Variants in NEBL observed in about 807,000 individuals in gnomAD.
NEBL encodes nebulette, also known as LIM and SH3 protein 2.
NEBL carries 122 observed loss-of-function variants against 140.2 expected under a neutral mutation model. That is an observed-to-expected ratio of 0.87 (90% CI 0.75 to 1.01). The LOEUF (loss-of-function observed/expected upper bound fraction) is 1.01. NEBL is among the 50% of genes least tolerant of loss of function. The pLI, the probability that NEBL is intolerant of heterozygous loss-of-function variation, is 0.00. For missense variants in NEBL, 1,365 were observed against 1,231.3 expected (o/e 1.11, Z -1.62); for synonymous variants, 436 against 398.9 (o/e 1.09, Z -1.11).
chr10:20,801,100 C>T (rs573907633), intron 26 of NEBL, among the ~76,000 whole-genome samples: 1 of 152,302 alleles, frequency 6.6e-6, no homozygotes, highest in East Asian at 1.9e-4. Context: ...TACCAAGTTG[C>T]CAACGTGCTA....
chr10:20,868,452 A>G, intron 7 of NEBL: 1 of 544,982 alleles, frequency 1.8e-6, no homozygotes, highest in Non-Finnish European at 3.3e-6. Flanking sequence ...GCCTGGAGAA[A>G]AGAAAACTTT....
At chr10:21,049,253 T>C (rs1022307837) in intron 2 of NEBL, among the ~76,000 whole-genome samples, 2 of 152,188 alleles carry the variant, frequency 1.3e-5, no homozygotes, top group Non-Finnish European at 2.9e-5. Context: ...CAAGCTGACA[T>C]ATCACATTGA....
chr10:21,196,313 T>TTTTATTTTTA, intron 3 of NEBL, among the ~76,000 whole-genome samples: 1 of 140,588 alleles, frequency 7.1e-6, no homozygotes, highest in Admixed American at 7.2e-5. Flanking sequence ...ATATTTTTAT[T>TTTTATTTTTA]TTTATTTATT....
Position 21,091,186 on chromosome 10 carries a change from G to GT in NEBL, c.165-70986dup, listed in dbSNP as rs550042290. On this transcript the variant is annotated intron_variant, in intron 2 of 6. Coordinates refer to the NEBL transcript ENST00000417816. Reference sequence around the variant, plus strand: ...CCTTTGACTGCAGTCAAGAAAACAAGTTCGTGTTTCACATTTAGCTAAGAA... The same window carrying GT: ...CCTTTGACTGCAGTCAAGAAAACAAGTTTCGTGTTTCACATTTAGCTAAGAA... Among the ~76,000 whole-genome samples, 1,084 of 152,254 alleles carry GT rather than the reference G, an allele frequency of 7.1e-3. 7 individuals carry two copies. The highest frequency in any genetic ancestry group is 0.012 in the Non-Finnish European group (815 of 68,030).
At chr10:20,934,273 T>C (rs535543922) in intron 4 of NEBL, among the ~76,000 whole-genome samples, 2 of 152,324 alleles carry the variant, frequency 1.3e-5, no homozygotes, top group African/African-American at 4.8e-5. Flanking sequence ...TCGGCTGTCA[T>C]GAGAATATGA....
At chr10:21,081,075 G>A (rs1044074218) in intron 2 of NEBL, among the ~76,000 whole-genome samples, 9 of 152,008 alleles carry the variant, frequency 5.9e-5, no homozygotes, top group Non-Finnish European at 1.0e-4. Flanking sequence ...GGCTGGTCTC[G>A]AACTCCTGAC....
intron 2 of NEBL, among the ~76,000 whole-genome samples, chr10:21,035,980 T>C (rs1385521780): frequency 2.0e-5 from 3 of 151,880 alleles, no homozygotes; most frequent in African/African-American, 7.3e-5. Flanking sequence ...CTGGCCAACA[T>C]GGTGAAATCC....
At chr10:21,035,199 T>C (rs778176386) in intron 2 of NEBL, among the ~76,000 whole-genome samples, 154 of 152,210 alleles carry the variant, frequency 1.0e-3, no homozygotes, top group Middle Eastern at 3.4e-3. Context: ...AGTTTCACCA[T>C]GTTGGCCAGG....
intron 13 of NEBL, among the ~76,000 whole-genome samples, chr10:20,837,040 A>G (rs1398179026): frequency 6.6e-6 from 1 of 152,044 alleles, no homozygotes; most frequent in African/African-American, 2.4e-5. Flanking sequence ...CCTAAGTCAA[A>G]ACAATATTGA....
intron 11 of NEBL, 30 bp from the exon 12 acceptor site, chr10:20,845,398 T>C (rs1242610239): frequency 1.5e-6 from 2 of 1,311,990 alleles, no homozygotes; most frequent in African/African-American, 1.5e-5. Flanking sequence ...AATTTTAAAG[T>C]TAGCAAATAT....
intron 3 of NEBL, among the ~76,000 whole-genome samples, chr10:20,988,190 A>G (rs1233499178): frequency 6.6e-6 from 1 of 152,170 alleles, no homozygotes; most frequent in African/African-American, 2.4e-5. Flanking sequence ...ACAGAAAAAC[A>G]CATAACCATG....
intron 1 of NEBL, among the ~76,000 whole-genome samples, chr10:21,262,061 A>T (rs1842745434): frequency 6.6e-6 from 1 of 152,232 alleles, no homozygotes; most frequent in Non-Finnish European, 1.5e-5. Flanking sequence ...AAGCCGACAA[A>T]AAAGAGAAGG....
At chr10:21,071,765 C>G (rs1835826928) in intron 2 of NEBL, among the ~76,000 whole-genome samples, 1 of 151,666 alleles carries the variant, frequency 6.6e-6, no homozygotes, top group Non-Finnish European at 1.5e-5. Context: ...TTTTGCAGTT[C>G]CAAAGATCAG....
chr10:21,288,849 T>TATATATATAA (rs1216184030), intron 1 of NEBL, among the ~76,000 whole-genome samples: 6 of 88,900 alleles, frequency 6.7e-5, no homozygotes, highest in African/African-American at 3.1e-4. Flanking sequence ...TATATATATA[T>TATATATATAA]AAAAATTTTT....
intron 3 of NEBL, among the ~76,000 whole-genome samples, chr10:21,234,572 C>T (rs1293555237): frequency 6.6e-6 from 1 of 152,128 alleles, no homozygotes; most frequent in Non-Finnish European, 1.5e-5. Context: ...TCAGGTGTTC[C>T]TTTAGAGCAG....
intron 3 of NEBL, among the ~76,000 whole-genome samples, chr10:21,199,380 G>C (rs560766361): frequency 6.6e-6 from 1 of 152,172 alleles, no homozygotes; most frequent in South Asian, 2.1e-4. Flanking sequence ...TTGGACTCTT[G>C]AAAGATTTAA....
intron 16 of NEBL, 72 bp from the exon 17 acceptor site, chr10:20,828,706 C>A: frequency 6.1e-6 from 6 of 989,226 alleles, no homozygotes; most frequent in Non-Finnish European, 9.4e-6. Context: ...GGGAGGGAGG[C>A]AGGAAAGGAG....
intron 2 of NEBL, among the ~76,000 whole-genome samples, chr10:21,166,763 T>C (rs1840796529): frequency 6.6e-6 from 1 of 152,202 alleles, no homozygotes; most frequent in African/African-American, 2.4e-5. Context: ...TCCATCTAGC[T>C]CCAAAACTCC....
intron 1 of NEBL, among the ~76,000 whole-genome samples, chr10:21,289,041 G>T (rs1408076397): frequency 2.0e-5 from 3 of 150,664 alleles, no homozygotes; most frequent in African/African-American, 7.3e-5. Flanking sequence ...TAGAGACAGG[G>T]TTTCACCATC....
Sources: gnomAD v4.1 joint callset for allele counts (sites outside exome capture counted in the v4.1 genomes callset) on GRCh38, gnomAD v4.1.1 for gene constraint, MANE v1.5 for transcripts, NCBI Gene and HGNC (gene_info 2026-07-23, HGNC 2026-07-21) for gene names.